The following MINDY3 variants were observed in gnomAD, a reference collection of about 807,000 sequenced individuals.
MINDY3 encodes the protein MINDY lysine 48 deubiquitinase 3.
In MINDY3, 38 loss-of-function variants were observed where a neutral mutation model predicts 69.2. The ratio of observed to expected loss-of-function variants is 0.55; its 90% CI spans 0.42 to 0.72. The LOEUF (loss-of-function observed/expected upper bound fraction) is 0.72. MINDY3 is among the 30% of genes least tolerant of loss of function. The pLI is 0.00. For synonymous variants in MINDY3, 192 were observed against 180.1 expected (o/e 1.07, Z -0.53); for missense variants, 522 against 519.0 (o/e 1.01, Z -0.06).
chr10:15,783,644 ATCTCT>A (rs1054863889), intron 13 of MINDY3, among the ~76,000 whole-genome samples: 26 of 152,172 alleles, frequency 1.7e-4, no homozygotes, highest in African/African-American at 6.0e-4. Context: ...ACTTTGTATC[ATCTCT>A]TCTATTATTT....
chr10:15,808,470 C>T (rs575809993), intron 10 of MINDY3, among the ~76,000 whole-genome samples: 1 of 152,170 alleles, frequency 6.6e-6, no homozygotes, highest in South Asian at 2.1e-4. Flanking sequence ...TTTTAAACAC[C>T]TAAGAGAGAA....
intron 10 of MINDY3, among the ~76,000 whole-genome samples, chr10:15,809,815 G>A (rs1316403485): frequency 6.6e-6 from 1 of 152,068 alleles, no homozygotes. Context: ...CTATGTCAAG[G>A]AGTACAATAA....
chr10:15,789,397 G>A, intron 11 of MINDY3, 78 bp from the exon 12 acceptor site: 6 of 1,119,188 alleles, frequency 5.4e-6, no homozygotes, highest in South Asian at 2.8e-5. Context: ...TCAGGTTCCA[G>A]GAAAAAAAAA....
At chr10:15,795,841 CCT>C (rs1331944414) in intron 11 of MINDY3, among the ~76,000 whole-genome samples, 1 of 151,698 alleles carries the variant, frequency 6.6e-6, no homozygotes, top group African/African-American at 2.4e-5. Flanking sequence ...GGTATTTTTC[CCT>C]GTTTGGGGTC....
At chr10:15,856,893 C>T (rs1391808759) in intron 1 of MINDY3, among the ~76,000 whole-genome samples, 2 of 152,160 alleles carry the variant, frequency 1.3e-5, no homozygotes, top group African/African-American at 4.8e-5. Flanking sequence ...TCCAAGATAG[C>T]ATCTTTTCTC....
At chr10:15,844,725 A>G (rs1345807180) in intron 2 of MINDY3, among the ~76,000 whole-genome samples, 1 of 152,206 alleles carries the variant, frequency 6.6e-6, no homozygotes, top group Non-Finnish European at 1.5e-5. Context: ...TTCCAATTAT[A>G]ATTTAAAATT....
intron 10 of MINDY3, among the ~76,000 whole-genome samples, chr10:15,810,898 C>A (rs1047143865): frequency 6.6e-5 from 10 of 152,052 alleles, no homozygotes; most frequent in Non-Finnish European, 1.5e-4. Context: ...CCTGAACAGA[C>A]GTTTATCCAA....
At chr10:15,845,729 A>C (rs1588642301) in intron 2 of MINDY3, among the ~76,000 whole-genome samples, 2 of 144,368 alleles carry the variant, frequency 1.4e-5, no homozygotes, top group Admixed American at 6.9e-5. Flanking sequence ...CTGGTTTTGA[A>C]CTCCTGGCCT....
intron 10 of MINDY3, among the ~76,000 whole-genome samples, chr10:15,803,364 C>T (rs1464409791): frequency 6.6e-6 from 1 of 152,086 alleles, no homozygotes; most frequent in Non-Finnish European, 1.5e-5. Flanking sequence ...TATCAATATA[C>T]TGCATATTTG....
chr10:15,833,603 G>T, intron 8 of MINDY3, 27 bp downstream of exon 8: 1 of 1,375,976 alleles, frequency 7.3e-7, no homozygotes, highest in Non-Finnish European at 1.0e-6. Context: ...TCATCAAAGA[G>T]AGCAACATAA....
intron 1 of MINDY3, among the ~76,000 whole-genome samples, chr10:15,853,364 T>C (rs1319232640): frequency 1.3e-5 from 2 of 152,090 alleles, no homozygotes; most frequent in African/African-American, 4.8e-5. Flanking sequence ...AACTAAGATA[T>C]GATTTGCCCC....
chr10:15,805,933 T>C (rs568309859), intron 10 of MINDY3, among the ~76,000 whole-genome samples: 1 of 152,172 alleles, frequency 6.6e-6, no homozygotes, highest in Non-Finnish European at 1.5e-5. Context: ...TGTGCTCCAG[T>C]ACAGCCAAAA....
intron 10 of MINDY3, among the ~76,000 whole-genome samples, chr10:15,813,343 A>G (rs965343812): frequency 3.9e-5 from 6 of 151,994 alleles, no homozygotes; most frequent in African/African-American, 1.5e-4. Flanking sequence ...AATTTGCTCT[A>G]TTTGTCATGT....
chr10:15,847,804 G>C (rs887631921), intron 2 of MINDY3, 60 bp downstream of exon 2: 14 of 1,225,288 alleles, frequency 1.1e-5, no homozygotes, highest in African/African-American at 1.5e-5. Flanking sequence ...ATTAGAAAAC[G>C]ACAAGTATGA....
At chr10:15,781,064 A>C (rs1836490539) in intron 14 of MINDY3, among the ~76,000 whole-genome samples, 1 of 152,216 alleles carries the variant, frequency 6.6e-6, no homozygotes, top group South Asian at 2.1e-4. Context: ...CTGTGCAAAC[A>C]TCAAACTCTA....
intron 8 of MINDY3, among the ~76,000 whole-genome samples, chr10:15,823,534 A>G (rs1457563371): frequency 6.6e-6 from 1 of 152,126 alleles, no homozygotes; most frequent in Non-Finnish European, 1.5e-5. Flanking sequence ...TTTATTAAAA[A>G]TGTTATTTAT....
At chr10:15,803,140 T>C (rs1228744304) in intron 10 of MINDY3, among the ~76,000 whole-genome samples, 1 of 152,180 alleles carries the variant, frequency 6.6e-6, no homozygotes, top group Non-Finnish European at 1.5e-5. Context: ...TAAATTTATG[T>C]AATGTTTAAA....
At chr10:15,803,720 A>G (rs1239379067) in intron 10 of MINDY3, among the ~76,000 whole-genome samples, 15 of 151,992 alleles carry the variant, frequency 9.9e-5, no homozygotes, top group African/African-American at 3.4e-4. Flanking sequence ...TAGAACAGAG[A>G]AAAACATGCT....
intron 1 of MINDY3, among the ~76,000 whole-genome samples, chr10:15,848,385 A>G (rs1019312519): frequency 6.6e-6 from 1 of 152,188 alleles, no homozygotes; most frequent in Non-Finnish European, 1.5e-5. Flanking sequence ...CTGTAATCCC[A>G]GCACTTTGGG....
Sources: gnomAD v4.1 joint callset for allele counts (sites outside exome capture counted in the v4.1 genomes callset) on GRCh38, gnomAD v4.1.1 for gene constraint, MANE v1.5 for transcripts, NCBI Gene and HGNC (gene_info 2026-07-23, HGNC 2026-07-21) for gene names.